The following B4GALT6 variants were observed in gnomAD, a reference collection of about 807,000 sequenced individuals.
B4GALT6 encodes the protein beta-1,4-galactosyltransferase 6, also known as UDP-Gal:beta-GlcNAc beta-1,4-galactosyltransferase 6.
A neutral mutation model predicts 46.3 loss-of-function variants in B4GALT6; 14 were observed. The observed-to-expected ratio is 0.30, with a 90% CI of 0.20 to 0.47. The LOEUF is 0.47. Among genes scored for constraint, B4GALT6 ranks in the 20% least tolerant of loss-of-function variants. B4GALT6 has a pLI of 0.99. For missense variants in B4GALT6, 386 were observed against 480.1 expected, an observed-to-expected ratio of 0.80 and a Z score of 1.83; for synonymous variants, 168 against 162.0, an observed-to-expected ratio of 1.04 and a Z score of -0.28.
Position 31,623,774 on chromosome 18 carries a change from T to G in B4GALT6, c.*1840A>C, listed in dbSNP as rs566225672. On this transcript the variant is annotated 3_prime_UTR_variant, in exon 9 of 9. Transcript: ENST00000306851. The stretch of plus-strand genomic sequence containing the variant: ...TATCCATTTTCTCAAAGTGTAAGGA[T>G]TCAATTATTTTATGATTTAGTTTGT... The G allele has an allele frequency of 6.6e-6, 1 of 152,128 alleles. No individual in the cohort carries two copies. The highest frequency in any genetic ancestry group is 1.9e-4 in the East Asian group (1 of 5,192). The allele number at this position is 152,128 out of a possible 1,614,324, so 9.4% of individuals were successfully genotyped here.
intron 1 of B4GALT6, among the ~76,000 whole-genome samples, chr18:31,667,386 A>G (rs2074294722): frequency 6.6e-6 from 1 of 152,260 alleles, no homozygotes; most frequent in African/African-American, 2.4e-5. Flanking sequence ...TTTTAAGATA[A>G]GCTGTCTCTG....
chr18:31,687,073 A>G (rs2029949048), upstream of B4GALT6, among the ~76,000 whole-genome samples: 1 of 152,166 alleles, frequency 6.6e-6, no homozygotes, highest in African/African-American at 2.4e-5. Context: ...TTTCTCCCCT[A>G]ATTTTAACCC....
the B4GALT6 span, among the ~76,000 whole-genome samples, chr18:31,696,101 C>T: frequency 6.6e-6 from 1 of 152,204 alleles, no homozygotes; most frequent in Admixed American, 6.5e-5. Flanking sequence ...GAAGGGTTCA[C>T]AAAAGCTGAT....
chr18:31,701,845 A>G, the B4GALT6 span, among the ~76,000 whole-genome samples: 5 of 152,194 alleles, frequency 3.3e-5, no homozygotes, highest in African/African-American at 1.2e-4. Flanking sequence ...AATGCATAAG[A>G]GAGACAAAGG....
chr18:31,673,837 G>A (rs1271892028), intron 1 of B4GALT6, among the ~76,000 whole-genome samples: 1 of 152,074 alleles, frequency 6.6e-6, no homozygotes, highest in Non-Finnish European at 1.5e-5. Context: ...CTGAGATGAG[G>A]AGATCATCCT....
the B4GALT6 span, among the ~76,000 whole-genome samples, chr18:31,691,605 A>T: frequency 6.6e-6 from 1 of 152,058 alleles, no homozygotes; most frequent in Non-Finnish European, 1.5e-5. Flanking sequence ...ACCATTTTCT[A>T]TTCATTTATT....
At chr18:31,653,012 TA>T (rs1394564344) in intron 3 of B4GALT6, among the ~76,000 whole-genome samples, 1 of 151,942 alleles carries the variant, frequency 6.6e-6, no homozygotes, top group African/African-American at 2.4e-5. Flanking sequence ...GTTTTTTGTT[TA>T]TTTTTGCTTT....
At chr18:31,665,796 A>C (rs1475005896) in intron 2 of B4GALT6, among the ~76,000 whole-genome samples, 1 of 152,176 alleles carries the variant, frequency 6.6e-6, no homozygotes, top group Non-Finnish European at 1.5e-5. Context: ...AATTTTATAA[A>C]ATTTCTCCTT....
At chr18:31,705,423 T>C in the B4GALT6 span, among the ~76,000 whole-genome samples, 13 of 152,112 alleles carry the variant, frequency 8.5e-5, no homozygotes, top group African/African-American at 3.1e-4. Context: ...AGTTTCAATC[T>C]TGTCGCCCAG....
chr18:31,692,918 G>A, the B4GALT6 span, among the ~76,000 whole-genome samples: 1 of 152,154 alleles, frequency 6.6e-6, no homozygotes, highest in Non-Finnish European at 1.5e-5. Flanking sequence ...TTACTTATAT[G>A]GGGTCCTGTA....
At chr18:31,715,492 G>A in the B4GALT6 span, among the ~76,000 whole-genome samples, 1 of 146,330 alleles carries the variant, frequency 6.8e-6, no homozygotes, top group South Asian at 2.2e-4. Flanking sequence ...GCCTCCCAGA[G>A]TGCTGGATTA....
At chr18:31,643,417 G>C (rs1378082485) in intron 4 of B4GALT6, among the ~76,000 whole-genome samples, 2 of 152,158 alleles carry the variant, frequency 1.3e-5, no homozygotes, top group Admixed American at 6.5e-5. Flanking sequence ...TCACGCCTCA[G>C]CCTCCGGAGT....
intron 1 of B4GALT6, among the ~76,000 whole-genome samples, chr18:31,669,058 T>G (rs1003725467): frequency 6.6e-5 from 10 of 151,816 alleles, no homozygotes; most frequent in Admixed American, 5.3e-4. Context: ...CCTGTTCCAA[T>G]TCCTCTCTGT....
At position 31,684,360 on chromosome 18, in the gene B4GALT6, A is replaced by T. The variant is rs1173233546; in HGVS notation, c.67T>A (p.Ser23Thr). ...AAGTACAGACAGGACGAAGAGAGGG[A>T]GAAGAAGAAGATGAAGGCGAGGAGA... ...RSLLAFIFFF[S>T]LSSSCLYFIY... The change falls in exon 1 of 9, where the codon TCC becomes ACC. Residue 23 changes from serine to threonine, a missense_variant. Physicochemically the swap from Ser to Thr is moderately conservative, Grantham distance 58. This residue lies in a region of B4GALT6 where 63 missense variants were observed against 41.3 expected (regional missense o/e 1.53). Coordinates refer to ENST00000306851, the MANE Select transcript of B4GALT6 (RefSeq NM_004775.5). The T allele has an allele frequency of 6.8e-6, 11 of 1,613,236 alleles. No individual in the cohort carries two copies. Among genetic ancestry groups the T allele is most frequent in the Non-Finnish European group, 9.3e-6 (11 of 1,179,578 alleles).
chr18:31,717,429 G>A, the B4GALT6 span, among the ~76,000 whole-genome samples: 4 of 152,090 alleles, frequency 2.6e-5, no homozygotes, highest in East Asian at 1.9e-4. Flanking sequence ...GGGTGATGGC[G>A]ACTTGAGTAT....
chr18:31,671,336 T>C (rs777531381), intron 1 of B4GALT6, among the ~76,000 whole-genome samples: 1 of 152,322 alleles, frequency 6.6e-6, no homozygotes, highest in Non-Finnish European at 1.5e-5. Flanking sequence ...TCTTCCACAA[T>C]GGTTGAACTA....
At chr18:31,711,071 C>T in the B4GALT6 span, among the ~76,000 whole-genome samples, 3 of 152,280 alleles carry the variant, frequency 2.0e-5, no homozygotes, top group East Asian at 3.9e-4. Context: ...GCTATGCACC[C>T]TGCCATGAGG....
intron 1 of B4GALT6, among the ~76,000 whole-genome samples, chr18:31,678,701 A>G (rs1403639168): frequency 6.6e-6 from 1 of 152,178 alleles, no homozygotes; most frequent in African/African-American, 2.4e-5. Context: ...TGGATCTCCA[A>G]ATATGGACAA....
In B4GALT6 at chr18:31,645,623, T is replaced by C; in HGVS notation, c.347-144A>G. The C allele has an allele frequency of 4.3e-6, 3 of 700,540 alleles. No homozygotes were observed. The East Asian group carries it at 8.6e-5, about 20-fold the overall frequency. The allele number at this position is 700,540 out of a possible 1,614,324, so 43.4% of individuals were successfully genotyped here. ...CCTGTTACCACCACAAAATTATGAA[T>C]AGCGCTCCCTTTCACTTTTAGTTTC... On this transcript the variant is annotated intron_variant, in intron 3 of 8. Transcript: ENST00000306851.
Sources: gnomAD v4.1 joint callset for allele counts (sites outside exome capture counted in the v4.1 genomes callset) on GRCh38, gnomAD v4.1.1 for gene constraint, gnomAD v4.1.1 regional missense constraint, MANE v1.5 for transcripts, NCBI Gene and HGNC (gene_info 2026-07-23, HGNC 2026-07-21) for gene names.